Variants in RIPPLY3 observed in about 807,000 individuals in gnomAD.
RIPPLY3 encodes the protein ripply transcriptional repressor 3.
RIPPLY3 carries 8 observed loss-of-function variants against 11.9 expected under a neutral mutation model. That is an observed-to-expected ratio of 0.67 (90% CI 0.40 to 1.21). The LOEUF (loss-of-function observed/expected upper bound fraction) is 1.21. RIPPLY3 is among the 50% of genes most tolerant of loss of function. RIPPLY3 has a pLI of 0.01. For synonymous variants in RIPPLY3, 102 were observed against 99.0 expected (o/e 1.03, Z -0.18); for missense variants, 271 against 246.0 (o/e 1.10, Z -0.68).
intron 3 of RIPPLY3, among the ~76,000 whole-genome samples, chr21:37,016,758 G>A (rs951645544): frequency 2.0e-5 from 3 of 152,184 alleles, no homozygotes; most frequent in African/African-American, 7.2e-5. Context: ...TTGAGCCCAG[G>A]ATTTCAAGGC....
At chr21:37,012,501 A>G (rs1378520432) in intron 2 of RIPPLY3, among the ~76,000 whole-genome samples, 1 of 152,098 alleles carries the variant, frequency 6.6e-6, no homozygotes, top group East Asian at 1.9e-4. Flanking sequence ...TGGGCCTCCC[A>G]AAGTGCTGCC....
At chr21:37,015,875 ATT>A (rs1213665501) in intron 3 of RIPPLY3, among the ~76,000 whole-genome samples, 9,019 of 121,848 alleles carry the variant, frequency 0.074, 533 homozygotes, top group African/African-American at 0.17. Context: ...CACCCAGCTA[ATT>A]TTTTTTTTTT....
intron 2 of RIPPLY3, among the ~76,000 whole-genome samples, chr21:37,012,212 T>TTTATTATTA (rs35315761): frequency 0.041 from 5,464 of 132,400 alleles, 255 homozygotes; most frequent in African/African-American, 0.11. Flanking sequence ...CCGCTCCTTA[T>TTTATTATTA]TTATTATTAT....
chr21:37,006,353 T>G (rs2069462709), upstream of RIPPLY3: 1 of 157,118 alleles, frequency 6.4e-6, no homozygotes, highest in South Asian at 2.0e-4. This position sits in a 1 kb window ranked among gnomAD's most constrained non-coding sequence, Gnocchi z 5.2. Flanking sequence ...CAGCCCGAGC[T>G]CGTGGCCCCA....
chr21:37,011,660 C>G (rs1002360201), intron 2 of RIPPLY3, among the ~76,000 whole-genome samples: 15 of 152,244 alleles, frequency 9.9e-5, no homozygotes, highest in African/African-American at 3.4e-4. Context: ...TAGCTCATCA[C>G]AGTGAATTAT....
At position 37,018,407 on chromosome 21, in the gene RIPPLY3, C is replaced by A; in HGVS notation, c.*200C>A. ...CCTGGCAATTCGTTTTTGGTGCACT[C>A]ATGCATGCCTTTGAGAAAGGATTCT... On this transcript the variant is annotated 3_prime_UTR_variant, in exon 4 of 4. Transcript: ENST00000329553. 3.4e-6 allele frequency: 2 copies of A among 583,368 alleles called. No individual in the cohort carries two copies. Among genetic ancestry groups the A allele is most frequent in the Non-Finnish European group, 6.1e-6 (2 of 327,546 alleles). 36.1% of individuals were successfully genotyped at this position (583,368 alleles called of 1,614,324 possible). A position where few individuals can be genotyped will look rare whatever the true frequency, so the allele number is the denominator to read the frequency against.
chr21:37,010,303 C>G (rs970338508), intron 2 of RIPPLY3, among the ~76,000 whole-genome samples: 1 of 152,096 alleles, frequency 6.6e-6, no homozygotes, highest in Non-Finnish European at 1.5e-5. Flanking sequence ...ACTGACCTCA[C>G]GAACATGGTG....
chr21:37,016,735 A>G (rs1028371680), intron 3 of RIPPLY3, among the ~76,000 whole-genome samples: 12 of 152,194 alleles, frequency 7.9e-5, no homozygotes, highest in African/African-American at 2.9e-4. Flanking sequence ...CAGGAGGTTC[A>G]GGTGGGAGAT....
In RIPPLY3 at chr21:37,012,220, TATTA is replaced by T. The variant is rs1569286399; in HGVS notation, c.172-1330_172-1327del. On this transcript the variant is annotated intron_variant, in intron 2 of 3. Transcript: ENST00000329553. ...ACCATTTCCGCTCCTTATTTATTAT[TATTA>T]TTATTATTATTATTATTATTATTAT... Among the ~76,000 whole-genome samples the T allele has an allele frequency of 8.6e-3, 1,237 of 143,636 alleles. 18 individuals carry two copies. The highest frequency in any genetic ancestry group is 0.029 in the African/African-American group (1,177 of 39,900). 94.2% of individuals were successfully genotyped at this position (143,636 alleles called of 152,430 possible).
In RIPPLY3 at chr21:37,019,554, G is replaced by A. The variant is rs1360080809; in HGVS notation, c.*1347G>A. 2 of 151,838 alleles carry A rather than the reference G, an allele frequency of 1.3e-5. No homozygotes were observed. The highest frequency in any genetic ancestry group is 6.6e-5 in the Admixed American group (1 of 15,224). 9.4% of individuals were successfully genotyped at this position (151,838 alleles called of 1,614,324 possible). The stretch of plus-strand genomic sequence containing the variant: ...AATTATTTTGAGTTTTTAATATTTT[G>A]ATAAACGTGTATTCCTGAAACTTTT... On this transcript the variant is annotated 3_prime_UTR_variant, in exon 4 of 4. Coordinates refer to ENST00000329553, the MANE Select transcript of RIPPLY3 (RefSeq NM_018962.3).
Position 37,006,918 on chromosome 21 carries a change from T to A in RIPPLY3, c.104+42T>A, listed in dbSNP as rs564892923. On this transcript the variant is annotated intron_variant, in intron 1 of 3. Coordinates refer to ENST00000329553, the MANE Select transcript of RIPPLY3 (RefSeq NM_018962.3). This position sits in a 1 kb window ranked among gnomAD's most constrained non-coding sequence, Gnocchi z 5.2. ...GCCCCGGTGGACGCGCTGAGAGGCG[T>A]GCGCGGTGGCGGTGCGGGGAGCGCA... The A allele has an allele frequency of 7.2e-6, 8 of 1,112,642 alleles. No individual in the cohort carries two copies. The African/African-American group carries it at 9.7e-5, about 14-fold the overall frequency. The allele number at this position is 1,112,642 out of a possible 1,614,324, so 68.9% of individuals were successfully genotyped here.
chr21:37,013,956 T>C (rs999982122), intron 3 of RIPPLY3, among the ~76,000 whole-genome samples: 4 of 152,306 alleles, frequency 2.6e-5, no homozygotes, highest in Middle Eastern at 3.4e-3. Flanking sequence ...TATATTGAGG[T>C]ATATTTCTAT....
chr21:37,016,236 G>T (rs898774075), intron 3 of RIPPLY3, among the ~76,000 whole-genome samples: 3 of 151,810 alleles, frequency 2.0e-5, no homozygotes, highest in Admixed American at 1.3e-4. Context: ...GGCCTCGTAG[G>T]GTGTTTACCA....
At chr21:37,008,774 A>T (rs536627325) in intron 2 of RIPPLY3, among the ~76,000 whole-genome samples, 4 of 151,728 alleles carry the variant, frequency 2.6e-5, no homozygotes, top group Non-Finnish European at 4.4e-5. Context: ...AAAAAAAAAA[A>T]AAAAAACCGT....
intron 3 of RIPPLY3, among the ~76,000 whole-genome samples, 191 bp downstream of exon 3, chr21:37,013,809 A>T (rs929008914): frequency 1.1e-4 from 16 of 152,176 alleles, no homozygotes; most frequent in East Asian, 1.9e-4. Flanking sequence ...GTATTCATTC[A>T]TTCAGTGTTT....
At chr21:37,008,486 G>C (rs999753562) in intron 2 of RIPPLY3, among the ~76,000 whole-genome samples, 2 of 152,090 alleles carry the variant, frequency 1.3e-5, no homozygotes, top group Admixed American at 1.3e-4. Context: ...GGCTGGGCGC[G>C]GTGGCTCGGG....
At chr21:37,012,975 G>T (rs984778040) in intron 2 of RIPPLY3, among the ~76,000 whole-genome samples, 1 of 148,634 alleles carries the variant, frequency 6.7e-6, no homozygotes, top group Non-Finnish European at 1.5e-5. Context: ...AGTGATTCTT[G>T]TGCCTCAGCC....
chr21:37,013,498 A>G, intron 2 of RIPPLY3, 53 bp from the exon 3 acceptor site: 2 of 1,494,588 alleles, frequency 1.3e-6, no homozygotes, highest in Non-Finnish European at 1.9e-6. Context: ...TCAGGATGTC[A>G]CCTTCCGACA....
At chr21:37,007,400 C>CCCTCTTTTTTTT (rs2069475865) in intron 1 of RIPPLY3, among the ~76,000 whole-genome samples, 3 of 86,296 alleles carry the variant, frequency 3.5e-5, no homozygotes, top group Admixed American at 1.2e-4. Context: ...AAGATTCCCT[C>CCCTCTTTTTTTT]TTTTTTTTTT....
Sources: gnomAD v4.1 joint callset for allele counts (sites outside exome capture counted in the v4.1 genomes callset) on GRCh38, gnomAD v4.1.1 for gene constraint, Gnocchi (gnomAD v3.1) non-coding constraint, MANE v1.5 for transcripts, NCBI Gene and HGNC (gene_info 2026-07-23, HGNC 2026-07-21) for gene names.